The following RORA variants were observed in gnomAD, a reference collection of about 807,000 sequenced individuals.
RORA encodes nuclear receptor ROR-alpha.
Under a neutral mutation model 69.5 loss-of-function variants are expected in RORA, and 7 were observed. The observed-to-expected ratio is 0.10, with a 90% confidence interval of 0.06 to 0.19. The LOEUF (loss-of-function observed/expected upper bound fraction) is 0.19. Among genes scored for constraint, RORA ranks in the 10% least tolerant of loss-of-function variants. The probability of loss-of-function intolerance (pLI) is 1.00; values close to 1 mark genes in which losing one functional copy is unlikely to be tolerated. For synonymous variants in RORA, 261 were observed against 240.8 expected, an observed-to-expected ratio of 1.08 and a Z score of -0.78; for missense variants, 457 against 663.0, an observed-to-expected ratio of 0.69 and a Z score of 3.41.
intron 1 of RORA, among the ~76,000 whole-genome samples, chr15:61,086,281 G>C (rs1326229618): frequency 6.6e-6 from 1 of 152,218 alleles, no homozygotes; most frequent in Admixed American, 6.5e-5. Context: ...ACTGGGCTGG[G>C]GATGCTGGGA....
intron 1 of RORA, among the ~76,000 whole-genome samples, chr15:61,015,824 G>T (rs1895263800): frequency 6.6e-6 from 1 of 152,202 alleles, no homozygotes; most frequent in Non-Finnish European, 1.5e-5. Flanking sequence ...TGCAGTCTTA[G>T]GTTGCATTAA....
At position 60,812,137 on chromosome 15, in the gene RORA, C is replaced by A. The variant is rs572503565; in HGVS notation, c.167-133451G>T. ...GTTTGACCCCAGAAAATCTGCTTAACCACTCTGTGCCTTAATTTCTCCATC... is the reference window on the plus strand; with the variant it reads ...GTTTGACCCCAGAAAATCTGCTTAAACACTCTGTGCCTTAATTTCTCCATC... On this transcript the variant is annotated intron_variant, in intron 1 of 10. Coordinates refer to ENST00000335670, the MANE Select transcript of RORA (RefSeq NM_134261.3). Among the ~76,000 whole-genome samples, 22 of 152,272 alleles carry A rather than the reference C, an allele frequency of 1.4e-4. No individual in the cohort carries two copies. In the South Asian group the frequency reaches 1.5e-3, roughly 10 times the overall value.
chr15:61,058,708 C>G (rs9302222), intron 1 of RORA, among the ~76,000 whole-genome samples: 5 of 152,018 alleles, frequency 3.3e-5, no homozygotes, highest in African/African-American at 1.2e-4. Flanking sequence ...TGTCTAGGGC[C>G]TAGCACTTTG....
chr15:60,791,459 G>A (rs757279917), intron 1 of RORA, among the ~76,000 whole-genome samples: 4 of 152,208 alleles, frequency 2.6e-5, no homozygotes, highest in Non-Finnish European at 4.4e-5. Context: ...CCTGAAACAT[G>A]AACCTTCACC....
chr15:60,504,723 T>G lies in RORA; in HGVS notation c.942+785A>C, dbSNP rs572913656. ...CTCAAAGGCAAACAAAGCAATGTGTTGCTATTCCCCAACATGTCCTGTTAA... is the reference window on the plus strand; with the variant it reads ...CTCAAAGGCAAACAAAGCAATGTGTGGCTATTCCCCAACATGTCCTGTTAA... On this transcript the variant is annotated intron_variant, in intron 6 of 10. Coordinates refer to ENST00000335670, the MANE Select transcript of RORA (RefSeq NM_134261.3). Among the ~76,000 whole-genome samples the G allele has an allele frequency of 2.6e-5, 4 of 152,336 alleles. No homozygotes were observed. The South Asian group carries it at 8.3e-4, about 32-fold the overall frequency.
intron 1 of RORA, among the ~76,000 whole-genome samples, chr15:60,978,182 A>G (rs1893933055): frequency 6.6e-6 from 1 of 152,124 alleles, no homozygotes; most frequent in African/African-American, 2.4e-5. Flanking sequence ...CATCATCACA[A>G]TCATCAACAT....
At chr15:60,777,498 A>C (rs2072186699) in intron 1 of RORA, among the ~76,000 whole-genome samples, 1 of 152,182 alleles carries the variant, frequency 6.6e-6, no homozygotes, top group African/African-American at 2.4e-5. Context: ...TTCTATCTCT[A>C]AAATGGCATA....
At chr15:60,711,640 C>T (rs1053743283) in intron 1 of RORA, among the ~76,000 whole-genome samples, 2 of 152,168 alleles carry the variant, frequency 1.3e-5, no homozygotes, top group African/African-American at 4.8e-5. Context: ...AGAAGCACCC[C>T]TAATGGTGGC....
chr15:60,950,277 T>C (rs1595840526), intron 1 of RORA, among the ~76,000 whole-genome samples: 1 of 143,320 alleles, frequency 7.0e-6, no homozygotes, highest in Admixed American at 7.1e-5. Flanking sequence ...CTAAAAGAGC[T>C]CCTGAAGGAA....
intron 1 of RORA, among the ~76,000 whole-genome samples, chr15:61,217,694 C>T (rs2080053306): frequency 6.6e-6 from 1 of 152,038 alleles, no homozygotes; most frequent in Non-Finnish European, 1.5e-5. Context: ...AGAAAGTACT[C>T]AGTAAATATA....
intron 1 of RORA, 132 bp from the exon 2 acceptor site, chr15:60,678,818 A>C: frequency 2.7e-6 from 2 of 731,156 alleles, no homozygotes. Flanking sequence ...CAGTTTTAAC[A>C]TTGCACAGGA....
intron 1 of RORA, among the ~76,000 whole-genome samples, chr15:60,776,676 G>A (rs918893702): frequency 1.3e-5 from 2 of 152,224 alleles, no homozygotes; most frequent in Admixed American, 6.5e-5. Flanking sequence ...GGGTCCCCAG[G>A]GTTTGGGGTC....
chr15:60,529,204 T>C (rs1745050973), intron 3 of RORA: 1 of 152,224 alleles, frequency 6.6e-6, no homozygotes, highest in Non-Finnish European at 1.5e-5. Context: ...CTTCTCTCAT[T>C]AGATATCTAT....
intron 1 of RORA, among the ~76,000 whole-genome samples, chr15:60,947,080 A>C (rs144634969): frequency 8.5e-4 from 70 of 82,506 alleles, no homozygotes; most frequent in South Asian, 5.1e-3. Flanking sequence ...CCAGCCCCCG[A>C]CCGGCCAGCC....
intron 1 of RORA, among the ~76,000 whole-genome samples, chr15:61,174,317 C>G (rs1370563664): frequency 1.3e-5 from 2 of 152,212 alleles, no homozygotes; most frequent in Admixed American, 1.3e-4. Flanking sequence ...CCTAGTTTCA[C>G]CCAGTAAGCT....
intron 1 of RORA, among the ~76,000 whole-genome samples, chr15:60,984,065 T>G (rs1306742732): frequency 6.7e-6 from 1 of 149,108 alleles, no homozygotes; most frequent in Non-Finnish European, 1.5e-5. Context: ...ATACTGGGGA[T>G]AATACCAAAA....
chr15:61,182,202 T>C (rs1463925015), intron 1 of RORA, among the ~76,000 whole-genome samples: 2 of 152,180 alleles, frequency 1.3e-5, no homozygotes, highest in African/African-American at 4.8e-5. Flanking sequence ...AAAGTCTCTC[T>C]AGGAATTGAC....
At chr15:60,657,621 C>T (rs948678753) in intron 2 of RORA, among the ~76,000 whole-genome samples, 4 of 152,226 alleles carry the variant, frequency 2.6e-5, no homozygotes, top group Non-Finnish European at 4.4e-5. Context: ...GAAATGGAAA[C>T]AAAGTACTTC....
chr15:60,778,200 A>G lies in RORA; in HGVS notation c.167-99514T>C, dbSNP rs577661303. ...TCATAATTTCTGATGTGGCTTACTG[A>G]ACAGCTGGGCTCAGGTTTTTGTTTT... On this transcript the variant is annotated intron_variant, in intron 1 of 10. Coordinates refer to ENST00000335670, the MANE Select transcript of RORA (RefSeq NM_134261.3). 4.8e-5 allele frequency among the ~76,000 whole-genome samples: 7 copies of G among 144,698 alleles called. No homozygotes were observed. In the South Asian group the frequency reaches 1.6e-3, roughly 34 times the overall value. 94.9% of individuals were successfully genotyped at this position (144,698 alleles called of 152,430 possible). A position where few individuals can be genotyped will look rare whatever the true frequency, so the allele number is the denominator to read the frequency against.
Sources: allele counts gnomAD v4.1 joint callset (sites outside exome capture counted in the v4.1 genomes callset), GRCh38; gene constraint gnomAD v4.1.1; transcripts MANE v1.5; gene names NCBI Gene and HGNC (gene_info 2026-07-23, HGNC 2026-07-21).